The following DENND1B variants were observed in gnomAD, a reference collection of about 807,000 sequenced individuals.
DENND1B encodes DENN domain containing 1B.
A neutral mutation model predicts 90.1 loss-of-function variants in DENND1B; 59 were observed. The observed-to-expected ratio is 0.65, with a 90% CI of 0.53 to 0.81. The LOEUF is 0.81. DENND1B is among the 40% of genes least tolerant of loss of function. DENND1B has a pLI of 0.00. For synonymous variants in DENND1B, 337 were observed against 324.6 expected, an observed-to-expected ratio of 1.04 and a Z score of -0.41; for missense variants, 862 against 912.6, an observed-to-expected ratio of 0.94 and a Z score of 0.71.
chr1:197,559,054 T>C (rs994188531), intron 15 of DENND1B, among the ~76,000 whole-genome samples: 7 of 152,022 alleles, frequency 4.6e-5, no homozygotes, highest in African/African-American at 1.2e-4. Flanking sequence ...GGTAGGAATG[T>C]ATATGTCCTC....
At chr1:197,649,097 A>T (rs577246339) in intron 7 of DENND1B, among the ~76,000 whole-genome samples, 1 of 152,324 alleles carries the variant, frequency 6.6e-6, no homozygotes, top group East Asian at 1.9e-4. Context: ...AGCAAGTTCT[A>T]GACTAACAAC....
At chr1:197,738,979 G>T (rs1025263917) in intron 2 of DENND1B, among the ~76,000 whole-genome samples, 2 of 152,202 alleles carry the variant, frequency 1.3e-5, no homozygotes, top group African/African-American at 2.4e-5. Context: ...AAAGAGAACA[G>T]AGACGAAGCT....
At chr1:197,602,940 A>G (rs1676335972) in intron 13 of DENND1B, among the ~76,000 whole-genome samples, 1 of 151,112 alleles carries the variant, frequency 6.6e-6, no homozygotes, top group South Asian at 2.1e-4. Flanking sequence ...CACTTAATGC[A>G]CTCCTTCTTA....
intron 20 of DENND1B, among the ~76,000 whole-genome samples, chr1:197,519,890 C>G (rs1223861725): frequency 3.3e-5 from 5 of 151,600 alleles, no homozygotes; most frequent in African/African-American, 4.8e-5. Context: ...TGCAGTTATC[C>G]TCTTAATCAC....
At chr1:197,577,704 T>C (rs1673809747) in intron 15 of DENND1B, among the ~76,000 whole-genome samples, 2 of 152,212 alleles carry the variant, frequency 1.3e-5, no homozygotes, top group South Asian at 4.1e-4. Flanking sequence ...AAGACGGTAA[T>C]GTCAGAGTTG....
At chr1:197,702,010 T>C (rs2102160645) in intron 3 of DENND1B, among the ~76,000 whole-genome samples, 1 of 152,308 alleles carries the variant, frequency 6.6e-6, no homozygotes, top group South Asian at 2.1e-4. Context: ...CATAAAGACC[T>C]TTGCTCTTGT....
chr1:197,707,041 A>G (rs1396107200), intron 3 of DENND1B, among the ~76,000 whole-genome samples: 4 of 152,228 alleles, frequency 2.6e-5, no homozygotes, highest in Non-Finnish European at 1.5e-5. Context: ...TGGATTAAAA[A>G]ATATGGTATA....
intron 3 of DENND1B, among the ~76,000 whole-genome samples, chr1:197,676,082 C>CAAAAAAAAAAA (rs3046951): frequency 7.0e-5 from 8 of 114,862 alleles, no homozygotes; most frequent in East Asian, 2.6e-4. Context: ...ACAGTATAGA[C>CAAAAAAAAAAA]AAAAAAAAAA....
intron 3 of DENND1B, among the ~76,000 whole-genome samples, chr1:197,677,851 C>T (rs1656253396): frequency 6.6e-6 from 1 of 152,274 alleles, no homozygotes; most frequent in South Asian, 2.1e-4. Flanking sequence ...CCTCATGGAC[C>T]CAGAAGTCTT....
intron 14 of DENND1B, among the ~76,000 whole-genome samples, chr1:197,591,070 C>G (rs1418365574): frequency 1.3e-5 from 2 of 152,096 alleles, no homozygotes; most frequent in Non-Finnish European, 2.9e-5. Flanking sequence ...AATCCTAACC[C>G]TTTTTGGTTT....
chr1:197,666,604 A>G (rs561809794), intron 5 of DENND1B, among the ~76,000 whole-genome samples: 75 of 152,340 alleles, frequency 4.9e-4, no homozygotes, highest in African/African-American at 1.0e-3. Flanking sequence ...CATGAATTCT[A>G]AAAGTGAGGT....
chr1:197,619,181 T>C (rs984688623), intron 10 of DENND1B, among the ~76,000 whole-genome samples: 1 of 151,230 alleles, frequency 6.6e-6, no homozygotes, highest in African/African-American at 2.4e-5. Context: ...CTTCAATAAG[T>C]ATTACTTTTT....
At chr1:197,613,427 T>A (rs1558306566) in intron 11 of DENND1B, among the ~76,000 whole-genome samples, 1 of 150,796 alleles carries the variant, frequency 6.6e-6, no homozygotes, top group African/African-American at 2.4e-5. Flanking sequence ...CTTCCTATTT[T>A]TTTTTTAATT....
intron 3 of DENND1B, among the ~76,000 whole-genome samples, chr1:197,695,349 A>G (rs1464481874): frequency 6.6e-6 from 1 of 151,088 alleles, no homozygotes; most frequent in Non-Finnish European, 1.5e-5. Flanking sequence ...TTGTATGTAC[A>G]AAGAAGCCGA....
chr1:197,585,604 T>G (rs768615590), intron 14 of DENND1B, among the ~76,000 whole-genome samples: 3 of 152,268 alleles, frequency 2.0e-5, no homozygotes, highest in Non-Finnish European at 4.4e-5. Context: ...TCCATCCACT[T>G]GTGATGACAC....
chr1:197,582,118 G>A (rs1674296972), intron 15 of DENND1B, among the ~76,000 whole-genome samples: 3 of 152,070 alleles, frequency 2.0e-5, no homozygotes, highest in Non-Finnish European at 2.9e-5. Flanking sequence ...TTGTGTACAG[G>A]ATAACCTTAA....
intron 16 of DENND1B, among the ~76,000 whole-genome samples, chr1:197,549,932 T>C (rs1326058537): frequency 2.6e-5 from 4 of 152,158 alleles, no homozygotes; most frequent in Non-Finnish European, 5.9e-5. Flanking sequence ...CCTTATCTGA[T>C]TGTCCTGCAC....
intron 2 of DENND1B, among the ~76,000 whole-genome samples, chr1:197,716,647 T>C (rs1660674881): frequency 6.6e-6 from 1 of 151,942 alleles, no homozygotes; most frequent in Non-Finnish European, 1.5e-5. Flanking sequence ...TGAAAGTTTT[T>C]ATCTTCATAA....
At chr1:197,664,683 T>C (rs1478438354) in intron 5 of DENND1B, among the ~76,000 whole-genome samples, 2 of 152,138 alleles carry the variant, frequency 1.3e-5, no homozygotes, top group African/African-American at 2.4e-5. Flanking sequence ...TAACTTATAG[T>C]AATCAAATAA....
Sources: gnomAD v4.1 joint callset for allele counts (sites outside exome capture counted in the v4.1 genomes callset) on GRCh38, gnomAD v4.1.1 for gene constraint, MANE v1.5 for transcripts, NCBI Gene and HGNC (gene_info 2026-07-23, HGNC 2026-07-21) for gene names.